Variants in SLC35D2 observed in about 807,000 individuals in gnomAD.
SLC35D2 encodes the protein solute carrier family 35 member D2.
Under a neutral mutation model 41.8 loss-of-function variants are expected in SLC35D2, and 43 were observed. That is an observed-to-expected ratio of 1.03 (90% CI 0.81 to 1.33). The LOEUF (loss-of-function observed/expected upper bound fraction) is 1.33, where lower values mean the gene tolerates loss of function less well. Among genes scored for constraint, SLC35D2 ranks in the 40% most tolerant of loss-of-function variants. The pLI is 0.00. For synonymous variants in SLC35D2, 150 were observed against 163.9 expected (o/e 0.92, Z 0.65); for missense variants, 380 against 408.4 (o/e 0.93, Z 0.60).
chr9:96,352,003 G>A lies in SLC35D2; in HGVS notation c.419+35C>T, dbSNP rs775792238. The stretch of plus-strand genomic sequence containing the variant: ...GGTAAAAGAAATGCAGTGGGTGGGA[G>A]GCACACTGGAAGAATGGAGGAAAAA... On this transcript the variant is annotated intron_variant, in intron 5 of 11. Transcript: ENST00000253270. The A allele has an allele frequency of 2.1e-6, 3 of 1,397,912 alleles. No homozygotes were observed. The East Asian group carries it at 6.9e-5, about 32-fold the overall frequency. The allele number at this position is 1,397,912 out of a possible 1,614,324, so 86.6% of individuals were successfully genotyped here.
intron 4 of SLC35D2, among the ~76,000 whole-genome samples, chr9:96,355,840 T>C (rs1564112126): frequency 6.6e-6 from 1 of 152,176 alleles, no homozygotes; most frequent in Admixed American, 6.5e-5. Context: ...AATGAAGACC[T>C]AAATAAATGG....
At position 96,360,209 on chromosome 9, in the gene SLC35D2, G is replaced by A. The variant is rs1162364078; in HGVS notation, c.292C>T (p.Pro98Ser). ...KKIPVKLFPL[P>S]LLYVGNHISG... ...ATGTGGTTTCCAACGTAGAGGAGAG[G>A]CAGAGGAAACAGCTTCCATTAAAAA... is the stretch of plus-strand genomic sequence containing the variant. The change falls in exon 4 of 12, where the codon CCT (proline) becomes TCT (serine). Residue 98 changes from proline to serine, a missense_variant. Transcript: ENST00000253270. 6.2e-7 allele frequency: 1 copy of A among 1,611,824 alleles called. No individual in the cohort carries two copies. The highest frequency in any genetic ancestry group is 8.5e-7 in the Non-Finnish European group (1 of 1,178,736).
chr9:96,380,189 G>A (rs541374847), intron 1 of SLC35D2, among the ~76,000 whole-genome samples: 4 of 152,200 alleles, frequency 2.6e-5, no homozygotes, highest in Admixed American at 6.5e-5. Context: ...GAGCCACCGC[G>A]CCCGGCCCTT....
chr9:96,356,714 T>C (rs1203072763), intron 4 of SLC35D2, among the ~76,000 whole-genome samples: 7 of 141,834 alleles, frequency 4.9e-5, no homozygotes, highest in African/African-American at 1.8e-4. Flanking sequence ...ACAAAAAAAA[T>C]TAAAACAATT....
chr9:96,330,984 A>G (rs1828782320), intron 9 of SLC35D2, among the ~76,000 whole-genome samples: 2 of 151,790 alleles, frequency 1.3e-5, no homozygotes, highest in Admixed American at 1.3e-4. Flanking sequence ...TGCAACCTCC[A>G]CCTCCCAGGT....
At chr9:96,341,171 C>T (rs922169670) in intron 8 of SLC35D2, among the ~76,000 whole-genome samples, 3 of 152,044 alleles carry the variant, frequency 2.0e-5, no homozygotes, top group Non-Finnish European at 4.4e-5. Flanking sequence ...CCTGTAATGC[C>T]AGCTACTCAG....
chr9:96,375,108 C>T (rs1830884156), intron 1 of SLC35D2, among the ~76,000 whole-genome samples: 1 of 150,502 alleles, frequency 6.6e-6, no homozygotes, highest in African/African-American at 2.4e-5. Context: ...TCTCCTGCCT[C>T]AGCCTCCCAA....
intron 2 of SLC35D2, among the ~76,000 whole-genome samples, chr9:96,366,772 G>A (rs772684348): frequency 1.8e-4 from 27 of 150,064 alleles, no homozygotes; most frequent in African/African-American, 5.1e-4. Context: ...CACCGTGCTC[G>A]GCCTGATCTT....
At chr9:96,338,297 G>A (rs1829145081) in intron 8 of SLC35D2, among the ~76,000 whole-genome samples, 1 of 152,188 alleles carries the variant, frequency 6.6e-6, no homozygotes, top group African/African-American at 2.4e-5. Context: ...AACAATTAAG[G>A]TAGAATTCTC....
At chr9:96,358,105 T>TATATATATATATATATATATAC (rs546410635) in intron 4 of SLC35D2, among the ~76,000 whole-genome samples, 7 of 143,538 alleles carry the variant, frequency 4.9e-5, no homozygotes, top group South Asian at 2.2e-4. Context: ...TATATATATA[T>TATATATATATATATATATATAC]ATACCTGCAA....
At chr9:96,363,023 C>T (rs183746908) in intron 3 of SLC35D2, among the ~76,000 whole-genome samples, 3 of 152,008 alleles carry the variant, frequency 2.0e-5, no homozygotes, top group African/African-American at 2.4e-5. Flanking sequence ...TGCGCCACCA[C>T]GCCCGGCTAA....
chr9:96,364,652 T>C (rs960676693), intron 2 of SLC35D2, 102 bp from the exon 3 acceptor site: 7 of 741,836 alleles, frequency 9.4e-6, no homozygotes, highest in African/African-American at 3.5e-5. Flanking sequence ...AAAAGAAATA[T>C]AGCAAAAAAT....
chr9:96,322,213 T>C, intron 10 of SLC35D2, 133 bp from the exon 11 acceptor site: 1 of 610,220 alleles, frequency 1.6e-6, no homozygotes, highest in South Asian at 2.3e-5. Context: ...TCACAGGTGG[T>C]TGAACAAAAT....
intron 9 of SLC35D2, among the ~76,000 whole-genome samples, chr9:96,331,462 A>C (rs1828805182): frequency 6.6e-6 from 1 of 152,140 alleles, no homozygotes; most frequent in African/African-American, 2.4e-5. Flanking sequence ...CCTTACAAGA[A>C]TGTAACCACT....
intron 1 of SLC35D2, among the ~76,000 whole-genome samples, chr9:96,372,499 T>C (rs1830744635): frequency 6.6e-6 from 1 of 151,616 alleles, no homozygotes; most frequent in Non-Finnish European, 1.5e-5. Context: ...TCTAAGGAAT[T>C]ATCAGGCCCA....
At position 96,336,746 on chromosome 9, in the gene SLC35D2, G is replaced by C; in HGVS notation, c.723C>G (p.Ile241Met). ...AAAAACAGGAAAGAAGAAACTGTAG[G>C]ATAAACACAACATTCTTCCATTGGT... ...EFNQWKNVVF[I>M]LQFLLSCFLG... Residue 241 changes from isoleucine (I) to methionine (M), a missense_variant, in exon 9 of 12, where the codon ATC becomes ATG. Coordinates refer to ENST00000253270, the MANE Select transcript of SLC35D2 (RefSeq NM_007001.3). The C allele has an allele frequency of 6.3e-7, 1 of 1,586,886 alleles. No homozygotes were observed. Among genetic ancestry groups the C allele is most frequent in the Non-Finnish European group, 8.6e-7 (1 of 1,160,818 alleles).
At chr9:96,360,117 T>G (rs1830198581) in intron 4 of SLC35D2, 37 bp downstream of exon 4, 1 of 1,513,064 alleles carries the variant, frequency 6.6e-7, no homozygotes, top group Non-Finnish European at 9.2e-7. Flanking sequence ...AGCACAGAGG[T>G]GAGGAACTTT....
chr9:96,314,063 G>C (rs1827995337), exon 12 of SLC35D2: 1 of 152,522 alleles, frequency 6.6e-6, no homozygotes, highest in Non-Finnish European at 1.5e-5. Context: ...GCCAGCCTAG[G>C]CAACATAGAA....
intron 9 of SLC35D2, among the ~76,000 whole-genome samples, chr9:96,327,389 C>G (rs1028009700): frequency 6.6e-6 from 1 of 152,096 alleles, no homozygotes; most frequent in Non-Finnish European, 1.5e-5. Flanking sequence ...CCAGCTCCAT[C>G]TTAGTGAAAC....
Sources: allele counts gnomAD v4.1 joint callset (sites outside exome capture counted in the v4.1 genomes callset), GRCh38; gene constraint gnomAD v4.1.1; transcripts MANE v1.5; gene names NCBI Gene and HGNC (gene_info 2026-07-23, HGNC 2026-07-21).